Variants in PIK3CD observed in about 807,000 individuals in gnomAD.
The protein encoded by PIK3CD is phosphatidylinositol-4,5-bisphosphate 3-kinase catalytic subunit delta.
A neutral mutation model predicts 122.9 loss-of-function variants in PIK3CD; 20 were observed. The observed-to-expected ratio is 0.16, with a 90% CI of 0.11 to 0.24. The LOEUF (loss-of-function observed/expected upper bound fraction) is 0.24. Ranked by LOEUF, PIK3CD falls within the 10% of genes least tolerant of loss-of-function variation. PIK3CD has a pLI of 1.00. For synonymous variants in PIK3CD, 596 were observed against 593.4 expected, an observed-to-expected ratio of 1.00 and a Z score of -0.06; for missense variants, 787 against 1,406.3, an observed-to-expected ratio of 0.56 and a Z score of 7.04.
At chr1:9,651,947 G>A in intron 1 of PIK3CD, 145 bp downstream of exon 1, 1 of 152,264 alleles carries the variant, frequency 6.6e-6, no homozygotes, top group Non-Finnish European at 1.5e-5. Context: ...CTGGCCCTGG[G>A]CGCCTCCCCG....
chr1:9,666,047 C>T (rs1305957532), intron 1 of PIK3CD, among the ~76,000 whole-genome samples: 3 of 152,144 alleles, frequency 2.0e-5, no homozygotes, highest in Non-Finnish European at 2.9e-5. Context: ...CTGCCTCAGC[C>T]TCCAGAGTAG....
the PIK3CD span, among the ~76,000 whole-genome samples, chr1:9,633,748 G>C: frequency 1.3e-5 from 2 of 152,180 alleles, no homozygotes; most frequent in Non-Finnish European, 2.9e-5. Flanking sequence ...GGAAATCATC[G>C]TCTGGCTTGG....
chr1:9,627,738 C>T, the PIK3CD span, among the ~76,000 whole-genome samples: 56 of 152,322 alleles, frequency 3.7e-4, no homozygotes, highest in Non-Finnish European at 7.6e-4. Context: ...TCCCTTATCG[C>T]GGCCACCTTC....
intron 1 of PIK3CD, among the ~76,000 whole-genome samples, chr1:9,675,038 G>A (rs9793667): frequency 7.3e-6 from 1 of 137,534 alleles, no homozygotes; most frequent in African/African-American, 2.7e-5. Flanking sequence ...AAAAAAAAAA[G>A]AGAGAGAGAG....
the PIK3CD span, among the ~76,000 whole-genome samples, chr1:9,633,367 G>A: frequency 2.0e-5 from 3 of 152,190 alleles, no homozygotes; most frequent in African/African-American, 7.2e-5. Context: ...GAGTGCGATG[G>A]CGCAGTCTCG....
At chr1:9,653,796 G>T in intron 1 of PIK3CD, 1 of 1,366,750 alleles carries the variant, frequency 7.3e-7, no homozygotes, top group Non-Finnish European at 9.8e-7. Context: ...TTGATATTAG[G>T]ATTCCAGCCA....
intron 1 of PIK3CD, among the ~76,000 whole-genome samples, chr1:9,666,859 G>A (rs192430063): frequency 0.014 from 2,163 of 149,546 alleles, 47 homozygotes; most frequent in African/African-American, 0.05. Context: ...GCGCCACCAT[G>A]CCTGCTATTT....
chr1:9,643,987 T>C, the PIK3CD span, among the ~76,000 whole-genome samples: 3 of 152,190 alleles, frequency 2.0e-5, no homozygotes, highest in African/African-American at 4.8e-5. Flanking sequence ...GAGTCCCTTG[T>C]GCAGGGGCTG....
Position 9,718,688 on chromosome 1 carries a change from C to T in PIK3CD, c.1021-6C>T. On this transcript the variant is annotated splice_polypyrimidine_tract_variant and splice_region_variant and intron_variant, in intron 8 of 23. Transcript: ENST00000377346. The surrounding 1 kb of genome is among the most constrained non-coding windows in gnomAD (Gnocchi z 7.2). ...TCCTCACCCATCATCCCGGCACCTT[C>T]TACAGCTGGTGGTGCAGGCCGGGCT... 6.2e-7 allele frequency: 1 copy of T among 1,602,730 alleles called. No individual in the cohort carries two copies. The highest frequency in any genetic ancestry group is 8.5e-7 in the Non-Finnish European group (1 of 1,179,688).
chr1:9,690,767 T>C (rs1452439702), intron 1 of PIK3CD, among the ~76,000 whole-genome samples: 2 of 152,074 alleles, frequency 1.3e-5, no homozygotes, highest in Non-Finnish European at 1.5e-5. Flanking sequence ...GTGGTTTTGG[T>C]GTTGTGCTAA....
chr1:9,642,764 C>T, the PIK3CD span, among the ~76,000 whole-genome samples: 2 of 149,938 alleles, frequency 1.3e-5, no homozygotes, highest in Non-Finnish European at 3.0e-5. Context: ...CTCCAGCACA[C>T]TAGCGTGTCA....
intron 1 of PIK3CD, among the ~76,000 whole-genome samples, chr1:9,654,841 C>T (rs1570047479): frequency 6.6e-6 from 1 of 151,740 alleles, no homozygotes; most frequent in South Asian, 2.1e-4. Flanking sequence ...GGGCGGATCA[C>T]TTGAGGTCAG....
the PIK3CD span, among the ~76,000 whole-genome samples, chr1:9,641,177 A>C: frequency 1.3e-5 from 2 of 152,342 alleles, no homozygotes; most frequent in Admixed American, 6.5e-5. Flanking sequence ...CCAGTGCTGC[A>C]TCTCCAGAGC....
rs1057483 is a variant in PIK3CD at position 9,728,204 on chromosome 1, A to T, written c.*1158A>T. On this transcript the variant is annotated 3_prime_UTR_variant, in exon 24 of 24. Coordinates refer to ENST00000377346, the MANE Select transcript of PIK3CD (RefSeq NM_005026.5). ...ATCACCTTTGGGAACCTGCTGTGAG[A>T]GTGCTGAGGTACCAGAAGTGTGAGA... The T allele has an allele frequency of 0.014, 2,058 of 152,386 alleles. 40 individuals carry two copies. Among genetic ancestry groups the T allele is most frequent in the African/African-American group, 0.046 (1,900 of 41,572 alleles). The allele number at this position is 152,386 out of a possible 1,614,324, so 9.4% of individuals were successfully genotyped here.
chr1:9,654,816 T>A (rs1391068978), intron 1 of PIK3CD, among the ~76,000 whole-genome samples: 1 of 151,968 alleles, frequency 6.6e-6, no homozygotes, highest in Non-Finnish European at 1.5e-5. Flanking sequence ...TTCCAGCACT[T>A]TGGGAGGCCG....
In PIK3CD at chr1:9,691,528, G is replaced by A. The variant is rs1048217371; in HGVS notation, c.-76G>A. On this transcript the variant is annotated 5_prime_UTR_variant, in exon 2 of 24. Transcript: ENST00000377346. Reference sequence around the variant, plus strand: ...ATTCTAAAGCATCTTTAATCTGCCAGGCGGAGGGGGCTTTGCTGGTCTTTC... The same window carrying A: ...ATTCTAAAGCATCTTTAATCTGCCAAGCGGAGGGGGCTTTGCTGGTCTTTC... The A allele has an allele frequency of 5.0e-6, 2 of 398,532 alleles. No homozygotes were observed. The highest frequency in any genetic ancestry group is 2.5e-4 in the South Asian group (2 of 7,868). 24.7% of individuals were successfully genotyped at this position (398,532 alleles called of 1,614,324 possible). A position where few individuals can be genotyped will look rare whatever the true frequency, so the allele number is the denominator to read the frequency against.
intron 1 of PIK3CD, among the ~76,000 whole-genome samples, chr1:9,657,221 A>G (rs1644883208): frequency 6.6e-6 from 1 of 152,156 alleles, no homozygotes; most frequent in Non-Finnish European, 1.5e-5. Flanking sequence ...GATAATTCAG[A>G]TAGAAATCAT....
Position 9,720,202 on chromosome 1 carries a change from A to G in PIK3CD, c.1430A>G (p.Glu477Gly). Residue 477 changes from glutamate (E) to glycine (G), a missense_variant, in exon 11 of 24, where the codon GAG becomes GGG. By Grantham distance (98) the Glu-to-Gly change is moderately conservative (BLOSUM62 -2). This residue lies in a region of PIK3CD where 592 missense variants were observed against 920.6 expected (regional missense o/e 0.64). Coordinates refer to ENST00000377346, the MANE Select transcript of PIK3CD (RefSeq NM_005026.5). This position sits in a 1 kb window ranked among gnomAD's most constrained non-coding sequence, Gnocchi z 9.0. ...GCTGCCCTGCTCATCTGCCTGCCCG[A>G]GGTGGCCCCGCACCCCGTGTACTAC... ...SAAALLICLP[E>G]VAPHPVYYPA... The G allele has an allele frequency of 6.2e-7, 1 of 1,611,480 alleles. No individual in the cohort carries two copies. Among genetic ancestry groups the G allele is most frequent in the Non-Finnish European group, 8.5e-7 (1 of 1,178,880 alleles).
At chr1:9,629,933 G>A in the PIK3CD span, among the ~76,000 whole-genome samples, 7 of 152,232 alleles carry the variant, frequency 4.6e-5, no homozygotes, top group Non-Finnish European at 1.0e-4. Context: ...GGGAGTGGGG[G>A]CGGAGGCGGA....
Sources: gnomAD v4.1 joint callset for allele counts (sites outside exome capture counted in the v4.1 genomes callset) on GRCh38, gnomAD v4.1.1 for gene constraint, gnomAD v4.1.1 regional missense constraint, Gnocchi (gnomAD v3.1) non-coding constraint, MANE v1.5 for transcripts, NCBI Gene and HGNC (gene_info 2026-07-23, HGNC 2026-07-21) for gene names.